The following NTRK2 variants were observed in gnomAD, a reference collection of about 807,000 sequenced individuals.
The protein encoded by NTRK2 is BDNF/NT-3 growth factors receptor.
A neutral mutation model predicts 94.5 loss-of-function variants in NTRK2; 13 were observed. The ratio of observed to expected loss-of-function variants is 0.14; its 90% CI spans 0.09 to 0.22. The LOEUF (loss-of-function observed/expected upper bound fraction) is 0.22. Ranked by LOEUF, NTRK2 falls within the 10% of genes least tolerant of loss-of-function variation. The pLI is 1.00. For synonymous variants in NTRK2, 372 were observed against 407.4 expected (o/e 0.91, Z 1.05); for missense variants, 639 against 1,071.2 (o/e 0.60, Z 5.63).
At chr9:85,006,928 CT>C (rs1157812890) in intron 17 of NTRK2, among the ~76,000 whole-genome samples, 1 of 152,168 alleles carries the variant, frequency 6.6e-6, no homozygotes, top group Non-Finnish European at 1.5e-5. Context: ...AGGAAGCTGC[CT>C]TTTTGGTTTT....
At chr9:85,006,102 C>G (rs77779103) in intron 17 of NTRK2, among the ~76,000 whole-genome samples, 2,946 of 152,262 alleles carry the variant, frequency 0.019, 51 homozygotes, top group East Asian at 0.055. Flanking sequence ...GAATTATCAA[C>G]TCCATGGTTA....
At position 85,026,779 on chromosome 9, in the gene NTRK2, C is replaced by T; in HGVS notation, c.*5342C>T. 4.3e-6 allele frequency: 1 copy of T among 233,030 alleles called. No homozygotes were observed. The highest frequency in any genetic ancestry group is 6.1e-5 in the East Asian group (1 of 16,506). The allele number at this position is 233,030 out of a possible 1,614,324, so 14.4% of individuals were successfully genotyped here. ...CAATCGTGACCTGGTATTTGGAACT[C>T]TCCTTTTCATTTGGCTTATCTTCCT... On this transcript the variant is annotated 3_prime_UTR_variant, in exon 19 of 19. Transcript: ENST00000277120.
chr9:84,852,795 G>C (rs2074846727), intron 12 of NTRK2, among the ~76,000 whole-genome samples: 1 of 152,214 alleles, frequency 6.6e-6, no homozygotes. Context: ...TTTGAAATAT[G>C]TGATCAAGAC....
In NTRK2 at chr9:84,955,686, G is replaced by A. The variant is rs7046578; in HGVS notation, c.2172+169G>A. 0.062 allele frequency: 44,555 copies of A among 716,598 alleles called. 1,540 individuals carry two copies. Among genetic ancestry groups the A allele is most frequent in the Admixed American group, 0.078 (3,892 of 49,674 alleles). 44.4% of individuals were successfully genotyped at this position (716,598 alleles called of 1,614,324 possible). A position where few individuals can be genotyped will look rare whatever the true frequency, so the allele number is the denominator to read the frequency against. Reference sequence around the variant, plus strand: ...CTGGAAGTCCAAGCTCAAGGTGTGAGTGGGATTGGTTCCTCCTGAGGCCTC... The same window carrying A: ...CTGGAAGTCCAAGCTCAAGGTGTGAATGGGATTGGTTCCTCCTGAGGCCTC... On this transcript the variant is annotated intron_variant, in intron 17 of 18. Coordinates refer to ENST00000277120, the MANE Select transcript of NTRK2 (RefSeq NM_006180.6).
intron 17 of NTRK2, among the ~76,000 whole-genome samples, chr9:84,985,439 A>G (rs1480862532): frequency 6.6e-6 from 1 of 152,208 alleles, no homozygotes; most frequent in African/African-American, 2.4e-5. Flanking sequence ...TCACACCATC[A>G]ATACATGCTG....
chr9:84,798,912 CTA>C (rs57167822), intron 12 of NTRK2, among the ~76,000 whole-genome samples: 1,373 of 127,982 alleles, frequency 0.011, 32 homozygotes, highest in African/African-American at 0.035. Flanking sequence ...CTTCTAAGTG[CTA>C]TATATATATA....
rs749804496 is a variant in NTRK2 at position 85,024,739 on chromosome 9, A to G, written c.*3302A>G. ...AGCAACTGAGATATTGTGATATATA[A>G]TCATGCTCTTAGCTTCAGCTAAATT... is the stretch of plus-strand genomic sequence containing the variant. On this transcript the variant is annotated 3_prime_UTR_variant, in exon 19 of 19. Transcript: ENST00000277120. 11 of 233,028 alleles carry G rather than the reference A, an allele frequency of 4.7e-5. No individual in the cohort carries two copies. The highest frequency in any genetic ancestry group is 8.5e-5 in the Non-Finnish European group (10 of 117,968). 14.4% of individuals were successfully genotyped at this position (233,028 alleles called of 1,614,324 possible).
chr9:84,755,962 T>A (rs1487265173), intron 12 of NTRK2, among the ~76,000 whole-genome samples: 2 of 152,162 alleles, frequency 1.3e-5, no homozygotes, highest in Non-Finnish European at 2.9e-5. Flanking sequence ...GCCTTTACAC[T>A]GTCCTATTGC....
At chr9:84,885,539 G>A (rs574142231) in intron 14 of NTRK2, among the ~76,000 whole-genome samples, 1 of 152,094 alleles carries the variant, frequency 6.6e-6, no homozygotes, top group South Asian at 2.1e-4. Flanking sequence ...ATAATCCTGA[G>A]AAGCATCATG....
At chr9:84,758,103 G>C (rs2065233502) in intron 12 of NTRK2, among the ~76,000 whole-genome samples, 1 of 151,612 alleles carries the variant, frequency 6.6e-6, no homozygotes, top group Admixed American at 6.6e-5. Context: ...TTTTATTGTT[G>C]AGTTATAGAT....
chr9:84,904,772 G>A (rs1195355197), intron 14 of NTRK2, among the ~76,000 whole-genome samples: 1 of 152,148 alleles, frequency 6.6e-6, no homozygotes, highest in Non-Finnish European at 1.5e-5. Flanking sequence ...ACATAAGTCT[G>A]TTTTACTCAA....
intron 12 of NTRK2, among the ~76,000 whole-genome samples, chr9:84,831,822 C>G (rs1321372373): frequency 6.6e-6 from 1 of 152,176 alleles, no homozygotes; most frequent in Non-Finnish European, 1.5e-5. Flanking sequence ...TGTAAGTACA[C>G]TTAGGAGATT....
At chr9:84,972,059 G>A (rs760914408) in intron 17 of NTRK2, among the ~76,000 whole-genome samples, 20 of 152,216 alleles carry the variant, frequency 1.3e-4, no homozygotes, top group Admixed American at 5.2e-4. Context: ...ACCTCTAACC[G>A]GCATGAAAAC....
chr9:85,001,081 A>G (rs184828193), intron 17 of NTRK2, among the ~76,000 whole-genome samples: 1 of 152,320 alleles, frequency 6.6e-6, no homozygotes, highest in East Asian at 1.9e-4. Context: ...GAAACAATTG[A>G]GTCTAGTTTA....
At chr9:84,812,769 A>T in intron 12 of NTRK2, 1 of 1,040,100 alleles carries the variant, frequency 9.6e-7, no homozygotes, top group South Asian at 4.6e-5. Context: ...AAAAGGAAAA[A>T]TAAAAAAAAA....
At chr9:84,833,507 AG>A (rs2073692691) in intron 12 of NTRK2, among the ~76,000 whole-genome samples, 1 of 151,930 alleles carries the variant, frequency 6.6e-6, no homozygotes, top group East Asian at 1.9e-4. Context: ...GAGGGAAGGA[AG>A]GAAGGAAGGG....
Position 84,944,296 on chromosome 9 carries a change from T to C in NTRK2, c.1765-4166T>C, listed in dbSNP as rs779907956. ...TTTTTTTTTTGAGACGGAGTCTCGC[T>C]CTGTTGCCCAGGCTGGAGTGCAGTG... On this transcript the variant is annotated intron_variant, in intron 15 of 18. Transcript: ENST00000277120. Among the ~76,000 whole-genome samples, 5 of 147,704 alleles carry C rather than the reference T, an allele frequency of 3.4e-5. No individual in the cohort carries two copies. In the South Asian group the frequency reaches 1.1e-3, roughly 32 times the overall value.
intron 12 of NTRK2, among the ~76,000 whole-genome samples, chr9:84,846,089 G>A (rs2074458484): frequency 6.6e-6 from 1 of 152,056 alleles, no homozygotes; most frequent in South Asian, 2.1e-4. Context: ...TTTCATACAA[G>A]CCTCCATTTC....
intron 2 of NTRK2, among the ~76,000 whole-genome samples, 193 bp from the exon 3 acceptor site, chr9:84,701,966 A>G (rs777164152): frequency 9.9e-5 from 15 of 152,218 alleles, no homozygotes; most frequent in East Asian, 1.9e-4. Context: ...GTTATTGACC[A>G]TGAAACCTGG....
Sources: gnomAD v4.1 joint callset for allele counts (sites outside exome capture counted in the v4.1 genomes callset) on GRCh38, gnomAD v4.1.1 for gene constraint, MANE v1.5 for transcripts, NCBI Gene and HGNC (gene_info 2026-07-23, HGNC 2026-07-21) for gene names.